KIAA0586: variants seen among roughly 807,000 people sequenced by gnomAD.
KIAA0586 encodes the protein protein TALPID3.
A neutral mutation model predicts 169.8 loss-of-function variants in KIAA0586; 144 were observed. The observed-to-expected ratio is 0.85, with a 90% confidence interval of 0.74 to 0.97. The LOEUF is 0.97. Ranked by LOEUF, KIAA0586 falls within the 50% of genes least tolerant of loss-of-function variation. The pLI is 0.00. For missense variants in KIAA0586, 1,854 were observed against 1,823.0 expected, an observed-to-expected ratio of 1.02 and a Z score of -0.31; for synonymous variants, 625 against 612.4, an observed-to-expected ratio of 1.02 and a Z score of -0.30.
chr14:58,455,671 CGTGT>C (rs113621863), intron 9 of KIAA0586, among the ~76,000 whole-genome samples: 25 of 150,020 alleles, frequency 1.7e-4, no homozygotes, highest in East Asian at 5.9e-4. Context: ...CCATGGATTA[CGTGT>C]GTGTGTGTGT....
intron 8 of KIAA0586, 85 bp downstream of exon 8, chr14:58,450,831 T>C: frequency 1.3e-6 from 1 of 756,450 alleles, no homozygotes; most frequent in Non-Finnish European, 2.2e-6. Context: ...AAGTGGGATC[T>C]CTATTTGTAA....
chr14:58,470,331 A>G (rs1037763232), intron 16 of KIAA0586, among the ~76,000 whole-genome samples: 5 of 152,160 alleles, frequency 3.3e-5, no homozygotes, highest in African/African-American at 1.2e-4. Flanking sequence ...AATTTTAGTT[A>G]TGTATAAGTA....
At position 58,444,918 on chromosome 14, in the gene KIAA0586, A is replaced by G. The variant is rs1005305157; in HGVS notation, c.807+743A>G. ...GTAGCAAGACCTCATCTCTTAGGAA[A>G]AAAAAAAAAAAAAAAAAAAAAAAAT... is the stretch of plus-strand genomic sequence containing the variant. On this transcript the variant is annotated intron_variant, in intron 6 of 30. Coordinates refer to ENST00000652326, the MANE Select transcript of KIAA0586 (RefSeq NM_001329943.3). Among the ~76,000 whole-genome samples the G allele has an allele frequency of 2.9e-4, 42 of 145,604 alleles. 1 individual carries two copies. Among genetic ancestry groups the G allele is most frequent in the African/African-American group, 6.8e-4 (27 of 39,716 alleles).
chr14:58,429,254 C>T (rs1233971629), intron 1 of KIAA0586, 109 bp from the exon 2 acceptor site: 2 of 624,158 alleles, frequency 3.2e-6, no homozygotes, highest in Non-Finnish European at 5.7e-6. Context: ...ATTGTCTTTC[C>T]AACTTCTGCG....
At chr14:58,510,477 G>A (rs546075895) in intron 28 of KIAA0586, among the ~76,000 whole-genome samples, 7 of 152,140 alleles carry the variant, frequency 4.6e-5, no homozygotes, top group Non-Finnish European at 8.8e-5. Flanking sequence ...TCTAAAAGGC[G>A]GTCATGCCAA....
chr14:58,464,887 G>A (rs780299756), intron 14 of KIAA0586, among the ~76,000 whole-genome samples: 14 of 152,172 alleles, frequency 9.2e-5, no homozygotes, highest in Non-Finnish European at 1.6e-4. Flanking sequence ...AGATTTTATC[G>A]CGCTACTCAG....
chr14:58,477,058 A>C, intron 19 of KIAA0586, 65 bp from the exon 20 acceptor site: 1 of 882,612 alleles, frequency 1.1e-6, no homozygotes, highest in Non-Finnish European at 1.8e-6. Flanking sequence ...TGGTATGTCT[A>C]ACATTTTTTA....
At chr14:58,444,325 G>A (rs562340018) in intron 6 of KIAA0586, 150 bp downstream of exon 6, 11 of 634,316 alleles carry the variant, frequency 1.7e-5, no homozygotes, top group East Asian at 1.1e-4. Context: ...CCTGTAATGC[G>A]GGTAACTCTG....
chr14:58,435,575 T>A (rs766417758), intron 4 of KIAA0586, among the ~76,000 whole-genome samples: 7 of 152,194 alleles, frequency 4.6e-5, no homozygotes, highest in Non-Finnish European at 7.3e-5. Flanking sequence ...CCTGACTTAT[T>A]CCTCCTATGT....
chr14:58,498,657 T>A, intron 26 of KIAA0586, 126 bp from the exon 27 acceptor site: 1 of 700,270 alleles, frequency 1.4e-6, no homozygotes, highest in South Asian at 2.6e-5. Context: ...ATATGTGGCA[T>A]AGAAGGCAGT....
chr14:58,482,607 T>A lies in KIAA0586; in HGVS notation c.3039T>A (p.Leu1013=). The A allele has an allele frequency of 6.2e-7, 1 of 1,609,060 alleles. No individual in the cohort carries two copies. The highest frequency in any genetic ancestry group is 8.5e-7 in the Non-Finnish European group (1 of 1,177,290). ...NVIKHFVNEA[L]AETIAVMLGD... ...TTAAACATTTTGTTAACGAAGCTCT[T>A]GCTGAGACCATTGCTGTCATGCTGG... is the stretch of plus-strand genomic sequence containing the variant. The change falls in exon 21 of 31, where the codon CTT becomes CTA. Residue 1013 remains leucine (L), a synonymous_variant. Transcript: ENST00000652326.
At chr14:58,457,280 T>C (rs1013259757) in intron 10 of KIAA0586, among the ~76,000 whole-genome samples, 2 of 152,294 alleles carry the variant, frequency 1.3e-5, no homozygotes, top group East Asian at 3.9e-4. Flanking sequence ...TTTTCTTTTC[T>C]TTTTTTGAGT....
chr14:58,543,087 G>C (rs1285192859), intron 30 of KIAA0586, among the ~76,000 whole-genome samples: 3 of 147,748 alleles, frequency 2.0e-5, no homozygotes, highest in South Asian at 4.3e-4. Flanking sequence ...AGCCAAGATT[G>C]CGCCACTGCA....
chr14:58,540,852 C>T (rs1214186287), intron 30 of KIAA0586, among the ~76,000 whole-genome samples: 1 of 152,144 alleles, frequency 6.6e-6, no homozygotes, highest in African/African-American at 2.4e-5. Context: ...AATGATGAGG[C>T]ACCTTCTTCA....
chr14:58,481,326 A>C (rs145159490), intron 20 of KIAA0586, among the ~76,000 whole-genome samples: 1 of 152,242 alleles, frequency 6.6e-6, no homozygotes, highest in Non-Finnish European at 1.5e-5. Context: ...TAAGTCAAGT[A>C]AAGTCTCTCC....
At chr14:58,543,961 C>T (rs2046825328) in intron 30 of KIAA0586, 1 of 455,854 alleles carries the variant, frequency 2.2e-6, no homozygotes, top group Non-Finnish European at 4.4e-6. Flanking sequence ...ATTATTTCAT[C>T]ACCCAGGTAT....
At position 58,470,636 on chromosome 14, in the gene KIAA0586, C is replaced by A; in HGVS notation, c.2466C>A (p.Asp822Glu). ...TVQVLPSVDIDSISNSSADVL... is the reference protein window; with the variant it reads ...TVQVLPSVDIESISNSSADVL... ...AGGTATTACCCAGTGTAGATATTGA[C>A]AGCATTTCAAATAGTAGTGCTGATG... The change falls in exon 17 of 31, where the codon GAC becomes GAA. Residue 822 changes from aspartate (D) to glutamate (E), a missense_variant. Transcript: ENST00000652326. The A allele has an allele frequency of 6.2e-7, 1 of 1,602,528 alleles. No individual in the cohort carries two copies. The highest frequency in any genetic ancestry group is 8.5e-7 in the Non-Finnish European group (1 of 1,170,850).
At chr14:58,453,827 A>G (rs936378129) in intron 9 of KIAA0586, among the ~76,000 whole-genome samples, 1 of 152,138 alleles carries the variant, frequency 6.6e-6, no homozygotes, top group Non-Finnish European at 1.5e-5. Context: ...GTAGTTAAAT[A>G]TTGGGTGTAT....
chr14:58,535,721 A>G (rs1337902953), intron 29 of KIAA0586, among the ~76,000 whole-genome samples: 2 of 148,534 alleles, frequency 1.3e-5, no homozygotes, highest in Non-Finnish European at 3.0e-5. Context: ...TTTTTTAGTG[A>G]ACTCAAATTA....
Sources: gnomAD v4.1 joint callset for allele counts (sites outside exome capture counted in the v4.1 genomes callset) on GRCh38, gnomAD v4.1.1 for gene constraint, MANE v1.5 for transcripts, NCBI Gene and HGNC (gene_info 2026-07-23, HGNC 2026-07-21) for gene names.